The following ZNF529 variants were observed in gnomAD, a reference collection of about 807,000 sequenced individuals.
ZNF529 encodes the protein zinc finger protein 529.
In ZNF529, 11 loss-of-function variants were observed where a neutral mutation model predicts 10.1. That is an observed-to-expected ratio of 1.09 (90% confidence interval 0.69 to 1.81). The LOEUF (loss-of-function observed/expected upper bound fraction) is 1.81. Among genes scored for constraint, ZNF529 ranks in the 40% most tolerant of loss-of-function variants. The pLI is 0.00. For missense variants in ZNF529, 624 were observed against 666.8 expected (o/e 0.94, Z 0.71); for synonymous variants, 204 against 215.7 (o/e 0.95, Z 0.47).
intron 2 of ZNF529, among the ~76,000 whole-genome samples, chr19:36,564,149 A>G (rs9676627): frequency 0.056 from 8,539 of 152,294 alleles, 254 homozygotes; most frequent in African/African-American, 0.067. Flanking sequence ...ACTAAAACTA[A>G]AAATCCTAGA....
intron 2 of ZNF529, among the ~76,000 whole-genome samples, chr19:36,566,719 A>G (rs969449823): frequency 1.3e-5 from 2 of 151,802 alleles, no homozygotes; most frequent in Admixed American, 1.3e-4. Context: ...CCTTGTCTCA[A>G]AAAAATAATA....
intron 2 of ZNF529, among the ~76,000 whole-genome samples, chr19:36,571,827 AAAG>A (rs1378877208): frequency 2.0e-5 from 3 of 151,690 alleles, no homozygotes; most frequent in East Asian, 1.9e-4. Flanking sequence ...GCCAAATCTC[AAAG>A]AAGATTTGGT....
rs1211598340 is a variant in ZNF529 at position 36,590,790 on chromosome 19, C to A, written c.-127-1089G>T. ...ACTAAAAATACAAAAATTAGCCAGG[C>A]ATGGTGGCATGCGCCTGTAGTCCCA... On this transcript the variant is annotated intron_variant, in intron 1 of 4. Coordinates refer to the ZNF529 transcript ENST00000585960. 3.3e-5 allele frequency among the ~76,000 whole-genome samples: 5 copies of A among 151,576 alleles called. No homozygotes were observed. In the South Asian group the frequency reaches 8.3e-4, roughly 25 times the overall value.
chr19:36,589,068 CA>C (rs1281785992), intron 2 of ZNF529, among the ~76,000 whole-genome samples: 1 of 151,924 alleles, frequency 6.6e-6, no homozygotes, highest in African/African-American at 2.4e-5. Flanking sequence ...CTCAGCCTCC[CA>C]AGTAGCTAGG....
intron 2 of ZNF529, among the ~76,000 whole-genome samples, chr19:36,585,946 TC>T (rs2036571107): frequency 6.6e-6 from 1 of 152,234 alleles, no homozygotes; most frequent in African/African-American, 2.4e-5. Flanking sequence ...TATGTACTGT[TC>T]CTTGATTTAC....
intron 2 of ZNF529, chr19:36,581,064 A>G (rs2036452185): frequency 6.6e-6 from 1 of 152,226 alleles, no homozygotes; most frequent in African/African-American, 2.4e-5. Flanking sequence ...TATGAACCAC[A>G]CCAGTCAACA....
At chr19:36,566,810 G>A (rs920720228) in intron 2 of ZNF529, among the ~76,000 whole-genome samples, 14 of 151,908 alleles carry the variant, frequency 9.2e-5, no homozygotes, top group African/African-American at 1.7e-4. Flanking sequence ...ACCTGAGGTC[G>A]GGAGTTTCAG....
chr19:36,550,787 G>T (rs2912399), intron 4 of ZNF529, among the ~76,000 whole-genome samples: 105,463 of 152,070 alleles, frequency 0.69, 37,035 homozygotes, highest in African/African-American at 0.79. Flanking sequence ...ACAATCACTA[G>T]GTGATGAAAA....
chr19:36,592,377 T>C lies in ZNF529; in HGVS notation c.-127-2676A>G, dbSNP rs557474039. On this transcript the variant is annotated intron_variant, in intron 1 of 4. Transcript: ENST00000585960. ...GAGAGGCCAAGGCGGGCGGACTGCC[T>C]GAGCTCCGGAGTTCAAGACCACCCT... 3.9e-4 allele frequency among the ~76,000 whole-genome samples: 59 copies of C among 149,728 alleles called. 1 individual carries two copies. The highest frequency in any genetic ancestry group is 1.4e-3 in the African/African-American group (57 of 40,762).
At chr19:36,557,555 A>G (rs560564076) in intron 2 of ZNF529, among the ~76,000 whole-genome samples, 5 of 152,148 alleles carry the variant, frequency 3.3e-5, no homozygotes, top group Non-Finnish European at 4.4e-5. Flanking sequence ...TATGGGGGAA[A>G]CCACCCCCAT....
chr19:36,597,982 C>T (rs1233469551), intron 1 of ZNF529, among the ~76,000 whole-genome samples: 1 of 152,134 alleles, frequency 6.6e-6, no homozygotes, highest in Non-Finnish European at 1.5e-5. Flanking sequence ...TCTGTTCACC[C>T]ACCAAAAGCC....
chr19:36,562,338 T>C (rs2035735154), intron 2 of ZNF529, among the ~76,000 whole-genome samples: 1 of 152,162 alleles, frequency 6.6e-6, no homozygotes, highest in Admixed American at 6.5e-5. Flanking sequence ...ATGAATCACA[T>C]GATTTAGATA....
chr19:36,561,354 TG>T (rs1198742544), intron 2 of ZNF529, among the ~76,000 whole-genome samples: 1 of 151,494 alleles, frequency 6.6e-6, no homozygotes, highest in Non-Finnish European at 1.5e-5. Flanking sequence ...GCACAAGATG[TG>T]GAAGCATGGC....
chr19:36,563,782 A>G (rs1246021664), intron 2 of ZNF529, among the ~76,000 whole-genome samples: 1 of 152,218 alleles, frequency 6.6e-6, no homozygotes, highest in Non-Finnish European at 1.5e-5. Flanking sequence ...CTATTTTAAA[A>G]TTCACATGGA....
At chr19:36,573,908 A>C (rs377544903), upstream of ZNF529, among the ~76,000 whole-genome samples, 8 of 152,282 alleles carry the variant, frequency 5.3e-5, no homozygotes, top group East Asian at 1.4e-3. Context: ...CGTGGTCGTA[A>C]ACCTGAGGGT....
Position 36,547,096 on chromosome 19 carries a change from TA to T in ZNF529, c.1461del (p.Phe487LeufsTer82). 1.9e-6 allele frequency: 3 copies of T among 1,613,978 alleles called. No homozygotes were observed. The highest frequency in any genetic ancestry group is 2.5e-6 in the Non-Finnish European group (3 of 1,179,944). Reference sequence around the variant, plus strand: ...TGTTCTGTAAGGGCTGAACTATGTCTAAAGGCCTTCCCACATACCTTACATT... The same window carrying T: ...TGTTCTGTAAGGGCTGAACTATGTCTAAGGCCTTCCCACATACCTTACATT... ...PYECKVCGKA[F>X]RHSSALTEHQ... On this transcript the variant is annotated frameshift_variant, in exon 5 of 5. Coordinates refer to ENST00000591340, the MANE Select transcript of ZNF529 (RefSeq NM_020951.5). LOFTEE classifies it low-confidence loss of function (END_TRUNC).
At chr19:36,561,107 G>A (rs1010257373) in intron 2 of ZNF529, among the ~76,000 whole-genome samples, 4 of 152,176 alleles carry the variant, frequency 2.6e-5, no homozygotes, top group Non-Finnish European at 5.9e-5. Flanking sequence ...CAGGCCCACA[G>A]TGCGAGGGCC....
At chr19:36,568,490 TAC>T (rs1385547537) in intron 2 of ZNF529, among the ~76,000 whole-genome samples, 1 of 151,408 alleles carries the variant, frequency 6.6e-6, no homozygotes, top group Non-Finnish European at 1.5e-5. Context: ...TTTTTTTTTT[TAC>T]ACAGAGTCTC....
chr19:36,546,751 T>A lies in ZNF529; in HGVS notation c.*115A>T, dbSNP rs1600235685. 9.0e-7 allele frequency: 1 copy of A among 1,116,112 alleles called. No homozygotes were observed. Among genetic ancestry groups the A allele is most frequent in the East Asian group, 2.5e-5 (1 of 40,124 alleles). The allele number at this position is 1,116,112 out of a possible 1,614,324, so 69.1% of individuals were successfully genotyped here. On this transcript the variant is annotated 3_prime_UTR_variant, in exon 5 of 5. Coordinates refer to ENST00000591340, the MANE Select transcript of ZNF529 (RefSeq NM_020951.5). ...GTCTACATACAGAATGACCATGAAG[T>A]CTAAAAACAGACTTTAAGAGAGGGA...
Sources: gnomAD v4.1 joint callset for allele counts (sites outside exome capture counted in the v4.1 genomes callset) on GRCh38, gnomAD v4.1.1 for gene constraint, MANE v1.5 for transcripts, NCBI Gene and HGNC (gene_info 2026-07-23, HGNC 2026-07-21) for gene names.